Variants in ATP13A3 observed in about 807,000 individuals in gnomAD.
The protein encoded by ATP13A3 is polyamine-transporting ATPase 13A3.
A neutral mutation model predicts 158.1 loss-of-function variants in ATP13A3; 59 were observed. The ratio of observed to expected loss-of-function variants is 0.37; its 90% confidence interval spans 0.30 to 0.46. The LOEUF (loss-of-function observed/expected upper bound fraction) is 0.46, where lower values mean the gene tolerates loss of function less well. Among genes scored for constraint, ATP13A3 ranks in the 20% least tolerant of loss-of-function variants. The pLI is 1.00. For missense variants in ATP13A3, 1,166 were observed against 1,525.2 expected (o/e 0.76, Z 3.92); for synonymous variants, 491 against 504.3 (o/e 0.97, Z 0.35).
rs1717046752 is a variant in ATP13A3 at position 194,429,338 on chromosome 3, T to C, written c.2874+340A>G. On this transcript the variant is annotated intron_variant, in intron 27 of 33. Transcript: ENST00000645319. ...ATCTAATACCATCCCTTCTGATACT[T>C]TCTACAAACGGTCAAATGGGATAGT... Among the ~76,000 whole-genome samples the C allele has an allele frequency of 2.6e-5, 4 of 152,324 alleles. No individual in the cohort carries two copies. In the South Asian group the frequency reaches 8.3e-4, roughly 32 times the overall value.
rs148782314 is a variant in ATP13A3, at chr3:194,429,589, G to A, written c.2874+89C>T. On this transcript the variant is annotated intron_variant, in intron 27 of 33. Coordinates refer to ENST00000645319, the MANE Select transcript of ATP13A3 (RefSeq NM_001367549.1). ...ACTACTCACAGAAACAATTACTAAT[G>A]GATGCATTCAAAATCAAACACATAC... is the stretch of plus-strand genomic sequence containing the variant. 1.6e-5 allele frequency: 14 copies of A among 894,122 alleles called. 1 individual carries two copies. Among genetic ancestry groups the A allele is most frequent in the Middle Eastern group, 5.3e-4 (2 of 3,752 alleles). The allele number at this position is 894,122 out of a possible 1,614,324, so 55.4% of individuals were successfully genotyped here.
chr3:194,427,635 CAATAAATAAATA>C (rs72338242), intron 28 of ATP13A3, among the ~76,000 whole-genome samples: 10,950 of 137,162 alleles, frequency 0.08, 629 homozygotes, highest in African/African-American at 0.14. Flanking sequence ...CCCATCTCTA[CAATAAATAAATA>C]AATAAATAAA....
intron 11 of ATP13A3, among the ~76,000 whole-genome samples, chr3:194,449,044 TACACACACACACACACACACACACAC>T (rs146993933): frequency 2.0e-4 from 27 of 134,984 alleles, no homozygotes; most frequent in Non-Finnish European, 3.9e-4. Flanking sequence ...GATCCACCCC[TACACACACACACACACACACACACAC>T]ACACACACAC....
chr3:194,406,148 A>T, intron 33 of ATP13A3, 32 bp from the exon 34 acceptor site: 1 of 1,605,326 alleles, frequency 6.2e-7, no homozygotes, highest in Non-Finnish European at 8.5e-7. Flanking sequence ...AAAACAAAAC[A>T]CCCCAGTTGA....
In ATP13A3 at chr3:194,477,847, G is replaced by T. The variant is rs116265385; in HGVS notation, c.-47+7947C>A. On this transcript the variant is annotated intron_variant, in intron 2 of 33. Transcript: ENST00000645319. ...AGTGAGTGCTACAGGTAGAGACAGA[G>T]CTGGGGCAGACACTACCATCCTACA... 6.2e-3 allele frequency among the ~76,000 whole-genome samples: 940 copies of T among 152,276 alleles called. 2 individuals carry two copies. Among genetic ancestry groups the T allele is most frequent in the Middle Eastern group, 0.024 (7 of 294 alleles).
At chr3:194,406,753 C>A (rs1577017086) in intron 33 of ATP13A3, among the ~76,000 whole-genome samples, 1 of 152,168 alleles carries the variant, frequency 6.6e-6, no homozygotes, top group Non-Finnish European at 1.5e-5. Flanking sequence ...CTGTTAATAT[C>A]ATCTCTCAAA....
intron 2 of ATP13A3, among the ~76,000 whole-genome samples, chr3:194,481,223 G>GA (rs144534539): frequency 0.11 from 15,496 of 136,508 alleles, 1,814 homozygotes; most frequent in African/African-American, 0.31. Context: ...TTCACAAATG[G>GA]AAAAAAAAAA....
chr3:194,476,842 T>G (rs1577093386), intron 2 of ATP13A3, among the ~76,000 whole-genome samples: 1 of 151,668 alleles, frequency 6.6e-6, no homozygotes, highest in Non-Finnish European at 1.5e-5. Flanking sequence ...AGCAAAGTTT[T>G]GAAGTCTTAC....
chr3:194,464,385 A>G (rs1032122683), intron 2 of ATP13A3, among the ~76,000 whole-genome samples: 2 of 152,190 alleles, frequency 1.3e-5, no homozygotes, highest in African/African-American at 4.8e-5. Flanking sequence ...CCTTTTGGGC[A>G]TGGTAACAAG....
chr3:194,480,900 G>A (rs1052624504), intron 2 of ATP13A3, among the ~76,000 whole-genome samples: 5 of 152,122 alleles, frequency 3.3e-5, no homozygotes, highest in South Asian at 2.1e-4. Context: ...CTGTCAAAAC[G>A]GTCTCACACA....
intron 29 of ATP13A3, among the ~76,000 whole-genome samples, chr3:194,426,021 A>G (rs550074908): frequency 6.6e-6 from 1 of 152,276 alleles, no homozygotes; most frequent in African/African-American, 2.4e-5. Context: ...CCTCATTTCT[A>G]CTTTCAGGTA....
At chr3:194,442,506 T>C (rs1253830974) in intron 15 of ATP13A3, among the ~76,000 whole-genome samples, 4 of 152,076 alleles carry the variant, frequency 2.6e-5, no homozygotes, top group Non-Finnish European at 5.9e-5. Flanking sequence ...TCTGAAAGAA[T>C]GCAAAAAGGG....
chr3:194,476,770 T>TTTTTG (rs770902738), intron 2 of ATP13A3, among the ~76,000 whole-genome samples: 3,417 of 146,882 alleles, frequency 0.023, 138 homozygotes, highest in African/African-American at 0.089. Context: ...GTTGTTGTTT[T>TTTTTG]TTTTTTTTTT....
At chr3:194,413,099 C>A (rs1432494041) in intron 32 of ATP13A3, 3 of 152,258 alleles carry the variant, frequency 2.0e-5, no homozygotes, top group African/African-American at 7.2e-5. Context: ...AGAGAGCAGA[C>A]AAAAGCTTAT....
intron 10 of ATP13A3, chr3:194,451,107 T>C (rs1303231780): frequency 1.3e-5 from 2 of 152,150 alleles, no homozygotes; most frequent in Non-Finnish European, 2.9e-5. Context: ...TGGAGATGGA[T>C]GAGAAGAAAC....
chr3:194,423,823 AT>A (rs1716562926), intron 30 of ATP13A3, among the ~76,000 whole-genome samples: 1 of 152,068 alleles, frequency 6.6e-6, no homozygotes, highest in African/African-American at 2.4e-5. Flanking sequence ...GGCAACTAAT[AT>A]TCTCCCTTTC....
At chr3:194,460,024 T>C in intron 4 of ATP13A3, 53 bp from the exon 5 acceptor site, 3 of 1,360,268 alleles carry the variant, frequency 2.2e-6, no homozygotes, top group Non-Finnish European at 3.0e-6. Context: ...GAAAACTGCC[T>C]ATATTTTCAT....
intron 29 of ATP13A3, 127 bp downstream of exon 29, chr3:194,426,948 G>A (rs909414903): frequency 1.0e-6 from 1 of 989,960 alleles, no homozygotes; most frequent in Non-Finnish European, 1.5e-6. Context: ...CCTCCCCAAA[G>A]TACTAGGACT....
chr3:194,472,538 A>T (rs997889431), intron 2 of ATP13A3, among the ~76,000 whole-genome samples: 1 of 152,236 alleles, frequency 6.6e-6, no homozygotes, highest in African/African-American at 2.4e-5. Flanking sequence ...AGACTTAAGA[A>T]ATAGAACTGC....
Sources: gnomAD v4.1 joint callset for allele counts (sites outside exome capture counted in the v4.1 genomes callset) on GRCh38, gnomAD v4.1.1 for gene constraint, MANE v1.5 for transcripts, NCBI Gene and HGNC (gene_info 2026-07-23, HGNC 2026-07-21) for gene names.